Variants in EPB41L4A observed in about 807,000 individuals in gnomAD.
The protein encoded by EPB41L4A is erythrocyte membrane protein band 4.1 like 4A, also known as band 4.1-like protein 4A.
Under a neutral mutation model 108.6 loss-of-function variants are expected in EPB41L4A, and 100 were observed. The observed-to-expected ratio is 0.92, with a 90% CI of 0.78 to 1.09. The LOEUF (loss-of-function observed/expected upper bound fraction) is 1.09. Ranked by LOEUF, EPB41L4A falls within the 50% of genes least tolerant of loss-of-function variation. The pLI is 0.00. For synonymous variants in EPB41L4A, 319 were observed against 289.0 expected (o/e 1.10, Z -1.05); for missense variants, 1,030 against 842.7 (o/e 1.22, Z -2.75).
intron 12 of EPB41L4A, among the ~76,000 whole-genome samples, chr5:112,210,573 T>C (rs968374951): frequency 1.3e-5 from 2 of 152,168 alleles, no homozygotes; most frequent in Non-Finnish European, 2.9e-5. Flanking sequence ...TGTTATTCCA[T>C]AGATTTGCAT....
At chr5:112,334,993 C>T (rs538842792) in intron 1 of EPB41L4A, among the ~76,000 whole-genome samples, 1 of 152,278 alleles carries the variant, frequency 6.6e-6, no homozygotes, top group East Asian at 1.9e-4. Context: ...CTGGCCTATA[C>T]TAGGGTACAG....
chr5:112,222,231 G>A (rs1349719518), intron 12 of EPB41L4A, among the ~76,000 whole-genome samples: 1 of 152,032 alleles, frequency 6.6e-6, no homozygotes, highest in Non-Finnish European at 1.5e-5. Context: ...TCACACATGG[G>A]GAAAAAACAG....
rs376612498 is a variant in EPB41L4A at position 112,407,742 on chromosome 5, A to T, written c.99+11199T>A. Reference sequence around the variant, plus strand: ...ACATAAATAACAACACTCAGAGCTTATAGAGAAAAGTTTTGGAAGTCTAAA... The same window carrying T: ...ACATAAATAACAACACTCAGAGCTTTTAGAGAAAAGTTTTGGAAGTCTAAA... On this transcript the variant is annotated intron_variant, in intron 1 of 22. Coordinates refer to ENST00000261486, the MANE Select transcript of EPB41L4A (RefSeq NM_022140.5). Among the ~76,000 whole-genome samples the T allele has an allele frequency of 4.3e-4, 66 of 152,348 alleles. 1 individual carries two copies. In the South Asian group the frequency reaches 0.013, roughly 31 times the overall value.
chr5:112,253,997 G>T (rs923521654), intron 9 of EPB41L4A, among the ~76,000 whole-genome samples: 1 of 152,114 alleles, frequency 6.6e-6, no homozygotes, highest in Non-Finnish European at 1.5e-5. Context: ...AAGCAAGCCG[G>T]AGAGTTCTGC....
At chr5:112,342,673 G>C (rs1757390587) in intron 1 of EPB41L4A, among the ~76,000 whole-genome samples, 1 of 152,152 alleles carries the variant, frequency 6.6e-6, no homozygotes, top group Admixed American at 6.5e-5. Context: ...TGGCCACCTG[G>C]GTTGAAGAAG....
chr5:112,353,948 C>T (rs60021992), intron 1 of EPB41L4A, among the ~76,000 whole-genome samples: 10,577 of 152,162 alleles, frequency 0.07, 1,012 homozygotes, highest in African/African-American at 0.22. Flanking sequence ...GTGATGTACA[C>T]GGCAGCAGGC....
chr5:112,397,229 AC>A (rs1032924183), intron 1 of EPB41L4A, among the ~76,000 whole-genome samples: 7 of 152,088 alleles, frequency 4.6e-5, no homozygotes, highest in Non-Finnish European at 1.0e-4. Context: ...TAAGATAATG[AC>A]CTCCAGCTGA....
intron 13 of EPB41L4A, among the ~76,000 whole-genome samples, chr5:112,144,132 T>C (rs946972931): frequency 1.3e-5 from 2 of 152,322 alleles, no homozygotes; most frequent in Admixed American, 1.3e-4. Flanking sequence ...CACCCTGATA[T>C]GGAGCAGCCC....
chr5:112,389,231 T>C (rs1263816958), intron 1 of EPB41L4A, among the ~76,000 whole-genome samples: 2 of 152,210 alleles, frequency 1.3e-5, no homozygotes, highest in Non-Finnish European at 2.9e-5. Flanking sequence ...ATTGGCATTT[T>C]AAATATTTTT....
chr5:112,350,260 T>C (rs1378945386), intron 1 of EPB41L4A, among the ~76,000 whole-genome samples: 1 of 152,184 alleles, frequency 6.6e-6, no homozygotes, highest in African/African-American at 2.4e-5. Flanking sequence ...TGGAATTACC[T>C]CAGAAGGCTT....
chr5:112,333,232 G>C (rs1342001889), intron 1 of EPB41L4A, among the ~76,000 whole-genome samples: 1 of 151,876 alleles, frequency 6.6e-6, no homozygotes, highest in East Asian at 1.9e-4. Flanking sequence ...CATTTCTTGG[G>C]GCAAGCTCCT....
At chr5:112,259,844 T>C (rs1432571412) in intron 8 of EPB41L4A, 47 bp downstream of exon 8, 1 of 1,436,538 alleles carries the variant, frequency 7.0e-7, no homozygotes, top group Non-Finnish European at 9.8e-7. Context: ...AGGAGTCCCA[T>C]AAGCCCAAAA....
chr5:112,182,213 A>T (rs913800852), intron 18 of EPB41L4A, among the ~76,000 whole-genome samples: 14 of 152,200 alleles, frequency 9.2e-5, no homozygotes, highest in African/African-American at 3.4e-4. Context: ...AAAATTCATT[A>T]AACTGTACAT....
At chr5:112,210,679 G>GGA (rs1259820087) in intron 12 of EPB41L4A, among the ~76,000 whole-genome samples, 1 of 152,092 alleles carries the variant, frequency 6.6e-6, no homozygotes, top group Non-Finnish European at 1.5e-5. Flanking sequence ...GGCCCATGTA[G>GGA]GAGGTCAGGC....
chr5:112,313,617 T>G (rs879366917), intron 1 of EPB41L4A, among the ~76,000 whole-genome samples: 1 of 151,990 alleles, frequency 6.6e-6, no homozygotes, highest in Non-Finnish European at 1.5e-5. Flanking sequence ...CTTTTGTGCC[T>G]TGGACTAGCA....
In EPB41L4A at chr5:112,167,593, T is replaced by G. The variant is rs548475380; in HGVS notation, c.1932+1146A>C. Among the ~76,000 whole-genome samples the G allele has an allele frequency of 5.9e-5, 9 of 152,028 alleles. No homozygotes were observed. In the South Asian group the frequency reaches 1.9e-3, roughly 32 times the overall value. On this transcript the variant is annotated intron_variant, in intron 22 of 22. Transcript: ENST00000261486. Reference sequence around the variant, plus strand: ...CCCTTACCCAGTGACTTCTATGGGGTGAGTGTGAATGTGTAAAAGTTCAAC... The same window carrying G: ...CCCTTACCCAGTGACTTCTATGGGGGGAGTGTGAATGTGTAAAAGTTCAAC...
At chr5:112,339,604 G>A (rs1757177999) in intron 1 of EPB41L4A, among the ~76,000 whole-genome samples, 1 of 150,214 alleles carries the variant, frequency 6.7e-6, no homozygotes, top group South Asian at 2.1e-4. Context: ...CCTGATATCG[G>A]CTCACTGCAA....
chr5:112,189,622 G>A (rs570550828), intron 17 of EPB41L4A, among the ~76,000 whole-genome samples: 7 of 152,086 alleles, frequency 4.6e-5, no homozygotes, highest in South Asian at 2.1e-4. Context: ...AGCTGCTCTC[G>A]TTTCTCTGTT....
intron 1 of EPB41L4A, among the ~76,000 whole-genome samples, chr5:112,399,797 T>C (rs1312043363): frequency 6.6e-6 from 1 of 152,190 alleles, no homozygotes; most frequent in Non-Finnish European, 1.5e-5. Context: ...TACTCCTCTT[T>C]GCCTCTGGGC....
Sources: allele counts gnomAD v4.1 joint callset (sites outside exome capture counted in the v4.1 genomes callset), GRCh38; gene constraint gnomAD v4.1.1; transcripts MANE v1.5; gene names NCBI Gene and HGNC (gene_info 2026-07-23, HGNC 2026-07-21).